Variants in MMS22L observed in about 807,000 individuals in gnomAD.
The protein encoded by MMS22L is MMS22 like, DNA repair protein.
Under a neutral mutation model 159.1 loss-of-function variants are expected in MMS22L, and 74 were observed. That is an observed-to-expected ratio of 0.47 (90% CI 0.39 to 0.56). MMS22L has a LOEUF of 0.56. Ranked by LOEUF, MMS22L falls within the 20% of genes least tolerant of loss-of-function variation. MMS22L has a pLI of 0.00. For missense variants in MMS22L, 1,351 were observed against 1,422.1 expected, an observed-to-expected ratio of 0.95 and a Z score of 0.80; for synonymous variants, 517 against 506.9, an observed-to-expected ratio of 1.02 and a Z score of -0.27.
At chr6:97,175,228 T>C (rs191922297) in intron 18 of MMS22L, among the ~76,000 whole-genome samples, 19 of 152,334 alleles carry the variant, frequency 1.2e-4, no homozygotes, top group Admixed American at 1.0e-3. Flanking sequence ...AAAAGTAGTA[T>C]TTTTTAACAT....
rs778002603 is a variant in MMS22L, at chr6:97,281,372, A to C, written c.165-10T>G. 1.1e-5 allele frequency: 18 copies of C among 1,584,804 alleles called. No homozygotes were observed. In the South Asian group the frequency reaches 1.7e-4, roughly 15 times the overall value. On this transcript the variant is annotated splice_polypyrimidine_tract_variant and intron_variant, in intron 2 of 24. Coordinates refer to ENST00000683635, the MANE Select transcript of MMS22L (RefSeq NM_001350599.2). The stretch of plus-strand genomic sequence containing the variant: ...AAGATTCAAAATCAATCTGAAATGA[A>C]AATTGTTTCAATCTCATAAAAAGTA...
chr6:97,221,770 C>T (rs1393948407), intron 14 of MMS22L, among the ~76,000 whole-genome samples: 2 of 152,080 alleles, frequency 1.3e-5, no homozygotes, highest in South Asian at 2.1e-4. Flanking sequence ...TGAGGGCATA[C>T]ACATGTGTTT....
At chr6:97,211,256 A>G (rs1040664780) in intron 14 of MMS22L, among the ~76,000 whole-genome samples, 1 of 152,072 alleles carries the variant, frequency 6.6e-6, no homozygotes, top group Non-Finnish European at 1.5e-5. Flanking sequence ...ACACATCCAA[A>G]AAAATACATA....
intron 6 of MMS22L, chr6:97,272,100 A>G (rs981625934): frequency 2.0e-5 from 3 of 152,234 alleles, no homozygotes; most frequent in African/African-American, 7.2e-5. Context: ...TGTTATTCAT[A>G]TAAGCTCCCA....
chr6:97,245,038 C>T (rs1320688488), intron 11 of MMS22L, among the ~76,000 whole-genome samples: 1 of 152,100 alleles, frequency 6.6e-6, no homozygotes, highest in African/African-American at 2.4e-5. Context: ...CAGTCTCACT[C>T]CCGCTATGCT....
chr6:97,210,290 T>C lies in MMS22L; in HGVS notation c.2039+18604A>G, dbSNP rs987213416. ...AGTGCTTAATATGCAAGATAATAAG[T>C]GAACAGAATCAGGTATCAATTTTAA... On this transcript the variant is annotated intron_variant, in intron 14 of 24. Coordinates refer to ENST00000683635, the MANE Select transcript of MMS22L (RefSeq NM_001350599.2). Among the ~76,000 whole-genome samples the C allele has an allele frequency of 2.0e-5, 3 of 151,946 alleles. No individual in the cohort carries two copies. The East Asian group carries it at 5.8e-4, about 29-fold the overall frequency.
In MMS22L at chr6:97,194,219, C is replaced by T. The variant is rs557374690; in HGVS notation, c.2040-7529G>A. ...ACTACAGGTGCGTGCCACCATGCTC[C>T]GCTAATTTTTGCATATTTAGTAAAG... On this transcript the variant is annotated intron_variant, in intron 14 of 24. Coordinates refer to ENST00000683635, the MANE Select transcript of MMS22L (RefSeq NM_001350599.2). Among the ~76,000 whole-genome samples, 23 of 152,052 alleles carry T rather than the reference C, an allele frequency of 1.5e-4. 1 individual carries two copies. The highest frequency in any genetic ancestry group is 8.5e-4 in the Admixed American group (13 of 15,266).
intron 21 of MMS22L, 130 bp from the exon 22 acceptor site, chr6:97,162,295 G>A: frequency 1.5e-6 from 1 of 658,378 alleles, no homozygotes; most frequent in Non-Finnish European, 2.5e-6. Flanking sequence ...TATAAAGTAT[G>A]TATATTTTAC....
Position 97,168,222 on chromosome 6 carries a change from C to T in MMS22L, c.2858G>A (p.Trp953Ter). 6.2e-7 allele frequency: 1 copy of T among 1,612,238 alleles called. No individual in the cohort carries two copies. Among genetic ancestry groups the T allele is most frequent in the Non-Finnish European group, 8.5e-7 (1 of 1,179,004 alleles). ...YGMMGILVKSWAQIFATSKAQ... is the reference protein window; with the variant it reads ...YGMMGILVKS ...TTTAGAAGTGGCAAAGATTTGTGCC[C>T]ATGATTTCACAAGAATTCCTAACAA... Residue 953 changes from tryptophan (W) to a stop codon, truncating the protein, a stop_gained, in exon 20 of 25, where the codon TGG becomes TAG. Transcript: ENST00000683635. LOFTEE classifies it high-confidence loss of function.
At chr6:97,249,542 C>T (rs901888176) in intron 10 of MMS22L, among the ~76,000 whole-genome samples, 1 of 152,098 alleles carries the variant, frequency 6.6e-6, no homozygotes, top group Non-Finnish European at 1.5e-5. Flanking sequence ...TCTATCAATA[C>T]TGTATGTCTA....
chr6:97,208,965 TCTC>T (rs1341275661), intron 14 of MMS22L, among the ~76,000 whole-genome samples: 1 of 149,726 alleles, frequency 6.7e-6, no homozygotes, highest in Non-Finnish European at 1.5e-5. Flanking sequence ...TTTCCTCACT[TCTC>T]TTCTTCAACA....
intron 22 of MMS22L, among the ~76,000 whole-genome samples, chr6:97,154,040 G>A (rs1190183174): frequency 6.6e-6 from 1 of 152,022 alleles, no homozygotes; most frequent in Non-Finnish European, 1.5e-5. Flanking sequence ...AGGAACTACT[G>A]GACTATTATC....
intron 24 of MMS22L, among the ~76,000 whole-genome samples, chr6:97,147,314 T>C (rs143198897): frequency 1.3e-5 from 2 of 152,220 alleles, no homozygotes; most frequent in East Asian, 3.8e-4. Flanking sequence ...TATATCCCAT[T>C]TTCTTCTTTT....
At chr6:97,205,454 A>G (rs1807683065) in intron 14 of MMS22L, among the ~76,000 whole-genome samples, 1 of 152,094 alleles carries the variant, frequency 6.6e-6, no homozygotes. Context: ...TAGTTTTCCA[A>G]TCCTTTCTAG....
intron 14 of MMS22L, among the ~76,000 whole-genome samples, chr6:97,198,406 G>C (rs762515940): frequency 2.0e-5 from 3 of 152,154 alleles, no homozygotes; most frequent in Non-Finnish European, 2.9e-5. Flanking sequence ...AGACGTGGTA[G>C]AGCAGATAAG....
chr6:97,261,808 T>C (rs534580142), intron 9 of MMS22L: 1 of 152,308 alleles, frequency 6.6e-6, no homozygotes, highest in Non-Finnish European at 1.5e-5. Context: ...TTCAATGCCT[T>C]GAAATTTTTT....
chr6:97,188,616 C>T (rs1268613313), intron 14 of MMS22L, among the ~76,000 whole-genome samples: 2 of 152,136 alleles, frequency 1.3e-5, no homozygotes, highest in African/African-American at 4.8e-5. Flanking sequence ...CTAAGACATG[C>T]ACCCTTATGC....
chr6:97,149,799 A>G (rs1382928263), intron 24 of MMS22L, 54 bp downstream of exon 24: 1 of 1,449,072 alleles, frequency 6.9e-7, no homozygotes, highest in Non-Finnish European at 9.2e-7. Flanking sequence ...ATAAAATGAA[A>G]TATAAATTTT....
At chr6:97,235,377 G>C (rs1811287474) in intron 11 of MMS22L, among the ~76,000 whole-genome samples, 1 of 152,102 alleles carries the variant, frequency 6.6e-6, no homozygotes, top group South Asian at 2.1e-4. Context: ...CTGACCTATG[G>C]GTCTAGAGTT....
Sources: gnomAD v4.1 joint callset for allele counts (sites outside exome capture counted in the v4.1 genomes callset) on GRCh38, gnomAD v4.1.1 for gene constraint, MANE v1.5 for transcripts, NCBI Gene and HGNC (gene_info 2026-07-23, HGNC 2026-07-21) for gene names.